The following TEKT5 variants were observed in gnomAD, a reference collection of about 807,000 sequenced individuals.
TEKT5 encodes the protein tektin 5.
A neutral mutation model predicts 48.7 loss-of-function variants in TEKT5; 52 were observed. That is an observed-to-expected ratio of 1.07 (90% CI 0.86 to 1.35). The LOEUF is 1.35. TEKT5 is among the 40% of genes most tolerant of loss of function. TEKT5 has a pLI of 0.00. For synonymous variants in TEKT5, 318 were observed against 267.6 expected, an observed-to-expected ratio of 1.19 and a Z score of -1.84; for missense variants, 831 against 641.6, an observed-to-expected ratio of 1.30 and a Z score of -3.19.
intron 6 of TEKT5, among the ~76,000 whole-genome samples, chr16:10,633,822 C>T (rs1215112836): frequency 6.6e-6 from 1 of 152,124 alleles, no homozygotes; most frequent in Non-Finnish European, 1.5e-5. Flanking sequence ...GGAGGGACCC[C>T]AGACCCTCAA....
chr16:10,694,370 G>C lies in TEKT5; in HGVS notation c.504C>G (p.Asn168Lys), dbSNP rs1360659779. The C allele has an allele frequency of 1.2e-6, 2 of 1,613,698 alleles. No homozygotes were observed. The highest frequency in any genetic ancestry group is 1.1e-5 in the South Asian group (1 of 91,062). Residue 168 changes from asparagine (N) to lysine (K), a missense_variant, in exon 1 of 7, where the codon AAC becomes AAG. Asn to Lys is a moderately conservative substitution (Grantham distance 94, BLOSUM62 0). Coordinates refer to ENST00000283025, the MANE Select transcript of TEKT5 (RefSeq NM_144674.2). ...ELDRLLTENQ[N>K]LETVKRRLEC... is the part of the protein sequence containing the mutation. ...CCAGCCGCCTCTTGACCGTCTCCAA[G>C]TTCTGGTTCTCAGTCAGAAGCCTGT... is the stretch of plus-strand genomic sequence containing the variant.
chr16:10,634,678 G>C (rs1313770000), intron 6 of TEKT5, among the ~76,000 whole-genome samples: 1 of 152,154 alleles, frequency 6.6e-6, no homozygotes, highest in Non-Finnish European at 1.5e-5. Flanking sequence ...AAAAGACTGT[G>C]ACATCCTTGT....
chr16:10,635,635 G>A (rs763556453), intron 6 of TEKT5, 129 bp downstream of exon 6: 37 of 1,380,324 alleles, frequency 2.7e-5, no homozygotes, highest in Non-Finnish European at 3.6e-5. Flanking sequence ...TGAGTTGTGG[G>A]ACTGGATGTC....
intron 5 of TEKT5, among the ~76,000 whole-genome samples, chr16:10,647,720 G>T (rs971612110): frequency 6.6e-6 from 1 of 152,184 alleles, no homozygotes; most frequent in African/African-American, 2.4e-5. Context: ...TTTACAAAAG[G>T]CCTGTCTCCT....
At chr16:10,682,271 T>A (rs1243588084) in intron 3 of TEKT5, 135 bp from the exon 4 acceptor site, 8 of 911,030 alleles carry the variant, frequency 8.8e-6, no homozygotes, top group Middle Eastern at 3.4e-4. Context: ...TCTTCCCACC[T>A]CCATGTCCCA....
chr16:10,628,933 A>G (rs959596965), intron 6 of TEKT5, among the ~76,000 whole-genome samples: 4 of 149,962 alleles, frequency 2.7e-5, no homozygotes, highest in Admixed American at 6.6e-5. Flanking sequence ...GGAATGAAAT[A>G]CTAATACCTG....
In TEKT5 at chr16:10,694,619, G is replaced by C. The variant is rs1320711559; in HGVS notation, c.255C>G (p.Leu85=). The C allele has an allele frequency of 6.2e-7, 1 of 1,611,880 alleles. No individual in the cohort carries two copies. Among genetic ancestry groups the C allele is most frequent in the East Asian group, 2.2e-5 (1 of 44,866 alleles). Residue 85 remains leucine (L), a synonymous_variant, in exon 1 of 7, where the codon CTC becomes CTG. Transcript: ENST00000283025. ...AGTCGTGGGGGCTATAGCGAGAGAA[G>C]AGTGCGGAGCGCAGTGTGGGCAGGA... The part of the protein sequence containing the change: ...PTILPTLRSA[L]FSRYSPHDWD...
At position 10,635,879 on chromosome 16, in the gene TEKT5, G is replaced by T; in HGVS notation, c.1126C>A (p.Leu376Met). The T allele has an allele frequency of 1.2e-6, 2 of 1,614,110 alleles. No individual in the cohort carries two copies. The highest frequency in any genetic ancestry group is 1.7e-6 in the Non-Finnish European group (2 of 1,180,046). Reference protein sequence around the residue: ...EIFQAENTIMLLERSIMAKEG... With the variant: ...EIFQAENTIMMLERSIMAKEG... ...TTGGCCATGATGGACCTTTCCAGCA[G>T]CATGATGGTGTTCTCGGCCTGGAAG... Residue 376 changes from leucine (L) to methionine (M), a missense_variant, in exon 6 of 7, where the codon CTG (leucine) becomes ATG (methionine). Physicochemically the swap from Leu to Met is conservative, Grantham distance 15. Transcript: ENST00000283025.
intron 5 of TEKT5, among the ~76,000 whole-genome samples, chr16:10,673,975 C>T (rs1898595886): frequency 1.3e-5 from 2 of 152,024 alleles, no homozygotes; most frequent in African/African-American, 2.4e-5. Flanking sequence ...TTAACCTCTG[C>T]GTCCCTTCTG....
In TEKT5 at chr16:10,627,747, G is replaced by A. The variant is rs1457525334; in HGVS notation, c.1294C>T (p.Arg432Trp). The change falls in exon 7 of 7, where the codon CGG becomes TGG. Residue 432 changes from arginine to tryptophan, a missense_variant. Coordinates refer to ENST00000283025, the MANE Select transcript of TEKT5 (RefSeq NM_144674.2). ...IDDTLQTLKLRLRETQDTLQL... is the reference protein window; with the variant it reads ...IDDTLQTLKLWLRETQDTLQL... ...AGCGTGTCCTGTGTCTCCCGCAGCCGCAGCTTGAGGGTCTGCAGGGTGTCG... is the reference window on the plus strand; with the variant it reads ...AGCGTGTCCTGTGTCTCCCGCAGCCACAGCTTGAGGGTCTGCAGGGTGTCG... 2 of 1,614,096 alleles carry A rather than the reference G, an allele frequency of 1.2e-6. No individual in the cohort carries two copies. The highest frequency in any genetic ancestry group is 1.3e-5 in the African/African-American group (1 of 74,946).
chr16:10,674,403 G>A (rs1019125766), intron 5 of TEKT5, among the ~76,000 whole-genome samples: 3 of 152,024 alleles, frequency 2.0e-5, no homozygotes, highest in Non-Finnish European at 4.4e-5. Flanking sequence ...GGAGGCTGAG[G>A]TGGGAGGACT....
At chr16:10,633,076 G>A (rs1897862597) in intron 6 of TEKT5, among the ~76,000 whole-genome samples, 1 of 152,174 alleles carries the variant, frequency 6.6e-6, no homozygotes, top group South Asian at 2.1e-4. Context: ...AAGTCCCCTG[G>A]CGGGGCCGCC....
Position 10,676,713 on chromosome 16 carries a change from T to G in TEKT5, c.864-532A>C, listed in dbSNP as rs188770679. Among the ~76,000 whole-genome samples the G allele has an allele frequency of 4.4e-4, 67 of 152,318 alleles. 1 individual carries two copies. In the East Asian group the frequency reaches 0.012, roughly 27 times the overall value. On this transcript the variant is annotated intron_variant, in intron 4 of 6. Coordinates refer to ENST00000283025, the MANE Select transcript of TEKT5 (RefSeq NM_144674.2). ...TGTGGCCACGCTACTTTCACTGCCA[T>G]TCATTCATGGAATATTTCTTCAACT...
intron 5 of TEKT5, among the ~76,000 whole-genome samples, chr16:10,638,424 A>T (rs537674921): frequency 6.6e-6 from 1 of 151,116 alleles, no homozygotes; most frequent in Non-Finnish European, 1.5e-5. Context: ...GGCTGTCTTG[A>T]CACCCCTTCC....
intron 3 of TEKT5, among the ~76,000 whole-genome samples, chr16:10,685,928 C>A (rs2031800943): frequency 6.6e-6 from 1 of 152,192 alleles, no homozygotes; most frequent in African/African-American, 2.4e-5. Flanking sequence ...CCTCTGAGGT[C>A]CAGCTCCCCA....
At chr16:10,660,786 C>T (rs1279244382) in intron 5 of TEKT5, among the ~76,000 whole-genome samples, 2 of 151,956 alleles carry the variant, frequency 1.3e-5, no homozygotes, top group African/African-American at 4.8e-5. Flanking sequence ...CTATAACCTC[C>T]ACCTCCTGGG....
chr16:10,637,882 CT>C (rs1897938471), intron 5 of TEKT5, among the ~76,000 whole-genome samples: 1 of 152,218 alleles, frequency 6.6e-6, no homozygotes. Flanking sequence ...GCAATCGCAG[CT>C]TACCACAGCC....
intron 3 of TEKT5, among the ~76,000 whole-genome samples, chr16:10,684,633 A>G (rs1259177237): frequency 6.6e-6 from 1 of 152,138 alleles, no homozygotes; most frequent in Non-Finnish European, 1.5e-5. Flanking sequence ...CGAGGCCAGG[A>G]TGTGGAAAGC....
rs184535455 is a variant in TEKT5, at chr16:10,657,342, G to T, written c.1086+18617C>A. On this transcript the variant is annotated intron_variant, in intron 5 of 6. Coordinates refer to ENST00000283025, the MANE Select transcript of TEKT5 (RefSeq NM_144674.2). ...AGGGTTTCACCATGTTGGCCAGGCT[G>T]GTCTCGAACTCCCGACCTCAGGTGA... Among the ~76,000 whole-genome samples, 5 of 151,968 alleles carry T rather than the reference G, an allele frequency of 3.3e-5. No homozygotes were observed. The East Asian group carries it at 9.7e-4, about 29-fold the overall frequency.
Sources: allele counts gnomAD v4.1 joint callset (sites outside exome capture counted in the v4.1 genomes callset), GRCh38; gene constraint gnomAD v4.1.1; transcripts MANE v1.5; gene names NCBI Gene and HGNC (gene_info 2026-07-23, HGNC 2026-07-21).